The following SEC62 variants were observed in gnomAD, a reference collection of about 807,000 sequenced individuals.
SEC62 encodes translocation protein SEC62.
Under a neutral mutation model 47.5 loss-of-function variants are expected in SEC62, and 10 were observed. The ratio of observed to expected loss-of-function variants is 0.21; its 90% confidence interval spans 0.13 to 0.36. The LOEUF is 0.36. SEC62 is among the 10% of genes least tolerant of loss of function. SEC62 has a pLI of 1.00. For missense variants in SEC62, 327 were observed against 464.1 expected, an observed-to-expected ratio of 0.70 and a Z score of 2.71; for synonymous variants, 136 against 150.5, an observed-to-expected ratio of 0.90 and a Z score of 0.71.
chr3:169,981,807 A>G (rs536154124), intron 3 of SEC62, among the ~76,000 whole-genome samples: 1 of 152,314 alleles, frequency 6.6e-6, no homozygotes, highest in Non-Finnish European at 1.5e-5. Context: ...AACAACTACT[A>G]CAAATTATAT....
rs1299378212 is a variant in SEC62 at position 169,994,991 on chromosome 3, C to A, written c.*1928C>A. 6.6e-6 allele frequency: 1 copy of A among 152,060 alleles called. No homozygotes were observed. Among genetic ancestry groups the A allele is most frequent in the Admixed American group, 6.6e-5 (1 of 15,262 alleles). The allele number at this position is 152,060 out of a possible 1,614,324, so 9.4% of individuals were successfully genotyped here. On this transcript the variant is annotated 3_prime_UTR_variant, in exon 8 of 8. Coordinates refer to ENST00000337002, the MANE Select transcript of SEC62 (RefSeq NM_003262.4). ...TCCCTGGGGGGAAATATCATTCTTA[C>A]TATGGTTAGAAAGTGAATTAGAAAT...
At chr3:169,983,572 CCT>C (rs1374949028) in intron 5 of SEC62, 1 of 170,146 alleles carries the variant, frequency 5.9e-6, no homozygotes, top group Non-Finnish European at 1.2e-5. Flanking sequence ...CTTCTTTTCT[CCT>C]CTGTCTGAGG....
intron 1 of SEC62, among the ~76,000 whole-genome samples, chr3:169,972,463 G>C (rs948941214): frequency 8.5e-5 from 13 of 152,190 alleles, no homozygotes; most frequent in Non-Finnish European, 1.6e-4. Context: ...TGCCAAGGCT[G>C]GAGTGCAGTG....
Position 169,992,999 on chromosome 3 carries a change from G to A in SEC62, c.1136G>A (p.Cys379Tyr), listed in dbSNP as rs748038777. The A allele has an allele frequency of 6.2e-7, 1 of 1,613,718 alleles. No individual in the cohort carries two copies. The highest frequency in any genetic ancestry group is 8.5e-7 in the Non-Finnish European group (1 of 1,179,798). ...EELEQQTDGDCEEDEEEENDG... is the reference protein window; with the variant it reads ...EELEQQTDGDYEEDEEEENDG... The stretch of plus-strand genomic sequence containing the variant: ...CTGGAACAGCAAACAGATGGGGATT[G>A]TGAAGAGGATGAGGAAGAGGAAAAT... The change falls in exon 8 of 8, where the codon TGT becomes TAT. Residue 379 changes from cysteine to tyrosine, a missense_variant. Cys to Tyr is a radical substitution (Grantham distance 194, BLOSUM62 -2). Coordinates refer to ENST00000337002, the MANE Select transcript of SEC62 (RefSeq NM_003262.4). The surrounding 1 kb of genome is among the most constrained non-coding windows in gnomAD (Gnocchi z 4.0).
At chr3:169,973,087 T>C (rs1232890989) in intron 1 of SEC62, among the ~76,000 whole-genome samples, 1 of 152,262 alleles carries the variant, frequency 6.6e-6, no homozygotes, top group African/African-American at 2.4e-5. Flanking sequence ...TTTATAGTAT[T>C]ACTTTTTCAG....
intron 3 of SEC62, among the ~76,000 whole-genome samples, chr3:169,979,237 A>G (rs17217363): frequency 0.18 from 26,807 of 152,142 alleles, 2,507 homozygotes; most frequent in South Asian, 0.23. Flanking sequence ...ATAACCGTAG[A>G]GTCTTATTGG....
intron 1 of SEC62, among the ~76,000 whole-genome samples, chr3:169,971,726 C>T (rs1714703378): frequency 6.6e-6 from 1 of 152,102 alleles, no homozygotes; most frequent in African/African-American, 2.4e-5. Context: ...ATGTAATCAG[C>T]TTCTCAATTT....
At chr3:169,979,978 C>T (rs1449121633) in intron 3 of SEC62, among the ~76,000 whole-genome samples, 1 of 149,660 alleles carries the variant, frequency 6.7e-6, no homozygotes, top group Non-Finnish European at 1.5e-5. Flanking sequence ...TTTGTTAAAT[C>T]TGAAAAAAAA....
intron 1 of SEC62, among the ~76,000 whole-genome samples, 170 bp downstream of exon 1, chr3:169,967,028 G>T (rs570423840): frequency 2.0e-5 from 3 of 152,244 alleles, no homozygotes; most frequent in Admixed American, 2.0e-4. Context: ...GGGCCTGAGG[G>T]GGGGCGGTGT....
Position 169,996,890 on chromosome 3 carries a change from A to G in SEC62, c.*3827A>G, listed in dbSNP as rs564027597. The G allele has an allele frequency of 1.3e-5, 2 of 152,298 alleles. No individual in the cohort carries two copies. Among genetic ancestry groups the G allele is most frequent in the East Asian group, 1.9e-4 (1 of 5,184 alleles). 9.4% of individuals were successfully genotyped at this position (152,298 alleles called of 1,614,324 possible). A position where few individuals can be genotyped will look rare whatever the true frequency, so the allele number is the denominator to read the frequency against. On this transcript the variant is annotated 3_prime_UTR_variant, in exon 8 of 8. Coordinates refer to ENST00000337002, the MANE Select transcript of SEC62 (RefSeq NM_003262.4). The stretch of plus-strand genomic sequence containing the variant: ...TCATAATATCTTCATGTAAAGAACC[A>G]TCTGTTTCTTATTGGAATCAAGACC...
intron 7 of SEC62, among the ~76,000 whole-genome samples, chr3:169,989,120 G>GTC (rs1164103453): frequency 1.3e-5 from 2 of 150,062 alleles, no homozygotes; most frequent in Non-Finnish European, 2.9e-5. Context: ...TAGAGGCAGG[G>GTC]TCTTGCTCTG....
chr3:169,995,257 T>C lies in SEC62; in HGVS notation c.*2194T>C, dbSNP rs934818580. On this transcript the variant is annotated 3_prime_UTR_variant, in exon 8 of 8. Coordinates refer to ENST00000337002, the MANE Select transcript of SEC62 (RefSeq NM_003262.4). ...TAGAAAGCATGAAGCTTTTTGATCA[T>C]GTAGGGCTTATTGTAGAGGGTATCA... 6.6e-6 allele frequency: 1 copy of C among 152,194 alleles called. No individual in the cohort carries two copies. Among genetic ancestry groups the C allele is most frequent in the African/African-American group, 2.4e-5 (1 of 41,444 alleles). The allele number at this position is 152,194 out of a possible 1,614,324, so 9.4% of individuals were successfully genotyped here. A position where few individuals can be genotyped will look rare whatever the true frequency, so the allele number is the denominator to read the frequency against.
intron 1 of SEC62, among the ~76,000 whole-genome samples, chr3:169,972,580 CTT>C (rs11391826): frequency 4.3e-5 from 5 of 114,960 alleles, no homozygotes; most frequent in African/African-American, 6.6e-5. Context: ...CTTTTTCTAT[CTT>C]TTTTTTTTTT....
rs1715368756 is a variant in SEC62 at position 169,996,070 on chromosome 3, A to G, written c.*3007A>G. On this transcript the variant is annotated 3_prime_UTR_variant, in exon 8 of 8. Coordinates refer to ENST00000337002, the MANE Select transcript of SEC62 (RefSeq NM_003262.4). ...TAAAAAGGACACGTTTATAGTATGA[A>G]AGCTGGAACATGGCCTTGTTCAACC... 1 of 152,226 alleles carries G rather than the reference A, an allele frequency of 6.6e-6. No homozygotes were observed. Among genetic ancestry groups the G allele is most frequent in the African/African-American group, 2.4e-5 (1 of 41,470 alleles). The allele number at this position is 152,226 out of a possible 1,614,324, so 9.4% of individuals were successfully genotyped here. A position where few individuals can be genotyped will look rare whatever the true frequency, so the allele number is the denominator to read the frequency against.
intron 1 of SEC62, among the ~76,000 whole-genome samples, chr3:169,969,926 A>G (rs934188644): frequency 6.6e-6 from 1 of 152,156 alleles, no homozygotes; most frequent in Non-Finnish European, 1.5e-5. Flanking sequence ...TGTTGCACCC[A>G]TCTGTCTTCC....
chr3:169,976,005 A>G lies in SEC62; in HGVS notation c.145+289A>G, dbSNP rs73043936. 2.0e-3 allele frequency among the ~76,000 whole-genome samples: 303 copies of G among 152,346 alleles called. 2 individuals carry two copies. The highest frequency in any genetic ancestry group is 6.6e-3 in the African/African-American group (276 of 41,580). Reference sequence around the variant, plus strand: ...AGTATGCGTACTTGGAACTAAGAGCACTGGCTTTTTTTCCCCAAACAATGT... The same window carrying G: ...AGTATGCGTACTTGGAACTAAGAGCGCTGGCTTTTTTTCCCCAAACAATGT... On this transcript the variant is annotated intron_variant, in intron 2 of 7. Coordinates refer to ENST00000337002, the MANE Select transcript of SEC62 (RefSeq NM_003262.4).
intron 1 of SEC62, among the ~76,000 whole-genome samples, chr3:169,973,532 G>C (rs1714754868): frequency 6.6e-6 from 1 of 151,822 alleles, no homozygotes; most frequent in South Asian, 2.1e-4. Context: ...ACATGGTGGT[G>C]GGCACCTGTA....
chr3:169,980,895 A>G (rs1318382667), intron 3 of SEC62, among the ~76,000 whole-genome samples: 1 of 152,208 alleles, frequency 6.6e-6, no homozygotes, highest in African/African-American at 2.4e-5. Flanking sequence ...AACAGGATGT[A>G]TTTTTATTTT....
Position 169,992,063 on chromosome 3 carries a change from T to C in SEC62, c.731-531T>C, listed in dbSNP as rs1009147317. Among the ~76,000 whole-genome samples the C allele has an allele frequency of 2.9e-4, 44 of 152,198 alleles. No homozygotes were observed. Among genetic ancestry groups the C allele is most frequent in the African/African-American group, 1.0e-3 (43 of 41,454 alleles). ...ATGATGCAGCCCTGCTTTTCCTTCTTAAAGGCTTCCTTCCTAAACACCTTT... is the reference window on the plus strand; with the variant it reads ...ATGATGCAGCCCTGCTTTTCCTTCTCAAAGGCTTCCTTCCTAAACACCTTT... On this transcript the variant is annotated intron_variant, in intron 7 of 7. Coordinates refer to ENST00000337002, the MANE Select transcript of SEC62 (RefSeq NM_003262.4). This position sits in a 1 kb window ranked among gnomAD's most constrained non-coding sequence, Gnocchi z 4.0.
Sources: gnomAD v4.1 joint callset for allele counts (sites outside exome capture counted in the v4.1 genomes callset) on GRCh38, gnomAD v4.1.1 for gene constraint, Gnocchi (gnomAD v3.1) non-coding constraint, MANE v1.5 for transcripts, NCBI Gene and HGNC (gene_info 2026-07-23, HGNC 2026-07-21) for gene names.